The following DPYD variants were observed in gnomAD, a reference collection of about 807,000 sequenced individuals.
DPYD encodes the protein dihydropyrimidine dehydrogenase.
Under a neutral mutation model 116.2 loss-of-function variants are expected in DPYD, and 109 were observed. That is an observed-to-expected ratio of 0.94 (90% CI 0.80 to 1.10). The LOEUF (loss-of-function observed/expected upper bound fraction) is 1.10. DPYD is among the 50% of genes least tolerant of loss of function. The pLI, the probability that DPYD is intolerant of heterozygous loss-of-function variation, is 0.00. For synonymous variants in DPYD, 440 were observed against 432.0 expected (o/e 1.02, Z -0.23); for missense variants, 1,302 against 1,254.5 (o/e 1.04, Z -0.57).
chr1:97,110,683 T>C (rs909005394), intron 20 of DPYD, among the ~76,000 whole-genome samples: 1 of 152,072 alleles, frequency 6.6e-6, no homozygotes, highest in Non-Finnish European at 1.5e-5. Flanking sequence ...CTTCACACCT[T>C]CACCTCCTAT....
chr1:97,844,144 G>A (rs1459606526), intron 2 of DPYD, among the ~76,000 whole-genome samples: 1 of 152,160 alleles, frequency 6.6e-6, no homozygotes, highest in Non-Finnish European at 1.5e-5. Context: ...GGTACATAAT[G>A]GTAGAAGGAA....
chr1:97,782,643 A>G (rs1223534301), intron 3 of DPYD, among the ~76,000 whole-genome samples: 1 of 152,242 alleles, frequency 6.6e-6, no homozygotes, highest in East Asian at 1.9e-4. Context: ...AAGTAAAAGT[A>G]GTATAAAGGC....
intron 14 of DPYD, among the ~76,000 whole-genome samples, chr1:97,396,434 T>C (rs1673009836): frequency 6.6e-6 from 1 of 152,066 alleles, no homozygotes; most frequent in African/African-American, 2.4e-5. Flanking sequence ...TTTTTTATTA[T>C]ATTCATTCTC....
intron 3 of DPYD, among the ~76,000 whole-genome samples, chr1:97,779,719 T>A (rs1666626895): frequency 6.6e-6 from 1 of 152,148 alleles, no homozygotes; most frequent in Non-Finnish European, 1.5e-5. Context: ...GTGCATTTTG[T>A]ACAGTATTAT....
intron 12 of DPYD, among the ~76,000 whole-genome samples, chr1:97,523,692 T>C (rs1428336033): frequency 6.6e-6 from 1 of 152,176 alleles, no homozygotes; most frequent in African/African-American, 2.4e-5. Flanking sequence ...ATCTTTGCAT[T>C]TTGCCTTTCG....
In DPYD at chr1:97,734,034, C is replaced by T. The variant is rs963732815; in HGVS notation, c.321+6358G>A. ...TCTTTGAGTAACAAAGATGTTAACA[C>T]TTGGACTGAAACATGCATGGCAAAT... On this transcript the variant is annotated intron_variant, in intron 4 of 22. Transcript: ENST00000370192. Among the ~76,000 whole-genome samples, 9 of 152,056 alleles carry T rather than the reference C, an allele frequency of 5.9e-5. No homozygotes were observed. The South Asian group carries it at 6.2e-4, about 10-fold the overall frequency.
intron 4 of DPYD, among the ~76,000 whole-genome samples, chr1:97,736,682 A>T (rs1663962406): frequency 6.6e-6 from 1 of 152,144 alleles, no homozygotes; most frequent in Admixed American, 6.5e-5. Context: ...ACCAACCCAT[A>T]ATACATAGGC....
At chr1:97,252,929 C>T (rs1224319956) in intron 18 of DPYD, among the ~76,000 whole-genome samples, 1 of 152,176 alleles carries the variant, frequency 6.6e-6, no homozygotes, top group East Asian at 1.9e-4. Flanking sequence ...AATCATAAGA[C>T]TCCCAGAATT....
intron 3 of DPYD, among the ~76,000 whole-genome samples, chr1:97,825,880 G>C (rs1279622937): frequency 6.6e-6 from 1 of 152,120 alleles, no homozygotes; most frequent in Non-Finnish European, 1.5e-5. Context: ...GGAAAAGACT[G>C]AAATACTCAG....
At chr1:97,546,714 A>G (rs1357848584) in intron 12 of DPYD, 4 of 1,613,222 alleles carry the variant, frequency 2.5e-6, no homozygotes, top group Middle Eastern at 1.8e-4. Context: ...ATACAGAGGA[A>G]GTAGAGCTGA....
intron 5 of DPYD, among the ~76,000 whole-genome samples, chr1:97,718,997 T>G (rs1553226988): frequency 6.6e-6 from 1 of 151,576 alleles, no homozygotes; most frequent in Non-Finnish European, 1.5e-5. Flanking sequence ...ATTAAAATAT[T>G]ACTAGGGAAA....
intron 13 of DPYD, among the ~76,000 whole-genome samples, chr1:97,457,700 G>A (rs552442901): frequency 9.2e-5 from 14 of 152,230 alleles, no homozygotes; most frequent in African/African-American, 1.2e-4. Flanking sequence ...ACTAGTTCAC[G>A]GCTAAAGCTG....
intron 14 of DPYD, among the ~76,000 whole-genome samples, chr1:97,443,054 G>A (rs921291542): frequency 1.3e-5 from 2 of 152,174 alleles, no homozygotes; most frequent in East Asian, 3.9e-4. Flanking sequence ...GAGGCTGAGA[G>A]TGTCATAAAA....
chr1:97,210,770 T>C (rs1659983885), intron 19 of DPYD, among the ~76,000 whole-genome samples: 1 of 152,118 alleles, frequency 6.6e-6, no homozygotes, highest in Admixed American at 6.6e-5. Context: ...ATAGCCAGAA[T>C]ACCATTCCTA....
At chr1:97,219,081 C>A (rs1344011620) in intron 19 of DPYD, among the ~76,000 whole-genome samples, 7 of 152,060 alleles carry the variant, frequency 4.6e-5, no homozygotes, top group Admixed American at 4.6e-4. Context: ...GGAGAGTGGC[C>A]ATAACCCATG....
At chr1:97,606,738 G>A (rs577340623) in intron 8 of DPYD, among the ~76,000 whole-genome samples, 6 of 152,102 alleles carry the variant, frequency 3.9e-5, no homozygotes, top group East Asian at 3.9e-4. Context: ...AGGACAAATT[G>A]GTAGTAGTAT....
chr1:97,538,950 C>T (rs772790485), intron 12 of DPYD, among the ~76,000 whole-genome samples: 17 of 151,976 alleles, frequency 1.1e-4, no homozygotes, highest in Non-Finnish European at 2.5e-4. Flanking sequence ...TATCAAACAC[C>T]TTAACGTGGA....
chr1:97,233,597 C>T (rs1469029276), intron 19 of DPYD, among the ~76,000 whole-genome samples: 1 of 152,128 alleles, frequency 6.6e-6, no homozygotes, highest in African/African-American at 2.4e-5. Context: ...CTCTCTCTTG[C>T]TAGACTGCCC....
chr1:97,857,551 G>A lies in DPYD; in HGVS notation c.150+25713C>T, dbSNP rs74106276. 6.4e-3 allele frequency among the ~76,000 whole-genome samples: 979 copies of A among 152,272 alleles called. 10 individuals are homozygous for A. Among genetic ancestry groups the A allele is most frequent in the African/African-American group, 0.023 (938 of 41,564 alleles). On this transcript the variant is annotated intron_variant, in intron 2 of 22. Coordinates refer to ENST00000370192, the MANE Select transcript of DPYD (RefSeq NM_000110.4). Reference sequence around the variant, plus strand: ...AAAACCCAAAACGAGAGGATTCAGAGAGCTTCTACATAGCTGACCACATAC... The same window carrying A: ...AAAACCCAAAACGAGAGGATTCAGAAAGCTTCTACATAGCTGACCACATAC...
Sources: gnomAD v4.1 joint callset for allele counts (sites outside exome capture counted in the v4.1 genomes callset) on GRCh38, gnomAD v4.1.1 for gene constraint, MANE v1.5 for transcripts, NCBI Gene and HGNC (gene_info 2026-07-23, HGNC 2026-07-21) for gene names.